The following PLXDC2 variants were observed in gnomAD, a reference collection of about 807,000 sequenced individuals.
PLXDC2 encodes the protein plexin domain containing 2.
In PLXDC2, 40 loss-of-function variants were observed where a neutral mutation model predicts 68.9. The ratio of observed to expected loss-of-function variants is 0.58; its 90% CI spans 0.45 to 0.76. The LOEUF is 0.76. Among genes scored for constraint, PLXDC2 ranks in the 30% least tolerant of loss-of-function variants. The pLI is 0.00. For synonymous variants in PLXDC2, 243 were observed against 234.2 expected, an observed-to-expected ratio of 1.04 and a Z score of -0.34; for missense variants, 644 against 661.9, an observed-to-expected ratio of 0.97 and a Z score of 0.30.
At chr10:19,978,882 T>G (rs1437905134) in intron 1 of PLXDC2, among the ~76,000 whole-genome samples, 4 of 152,160 alleles carry the variant, frequency 2.6e-5, no homozygotes, top group Admixed American at 6.5e-5. Flanking sequence ...AAGATAAGAG[T>G]AAGTTCTCAT....
At chr10:20,059,966 T>G (rs1288490369) in intron 3 of PLXDC2, among the ~76,000 whole-genome samples, 1 of 152,254 alleles carries the variant, frequency 6.6e-6, no homozygotes, top group East Asian at 1.9e-4. Flanking sequence ...TCTTTGATAT[T>G]TGCTTGTTGT....
chr10:20,144,669 C>T (rs1834049749), intron 5 of PLXDC2, among the ~76,000 whole-genome samples: 1 of 152,150 alleles, frequency 6.6e-6, no homozygotes, highest in South Asian at 2.1e-4. Flanking sequence ...GGCAAAACTG[C>T]AGCCAGAAAC....
chr10:20,144,767 C>T (rs1442073609), intron 5 of PLXDC2, among the ~76,000 whole-genome samples: 1 of 152,174 alleles, frequency 6.6e-6, no homozygotes, highest in Non-Finnish European at 1.5e-5. Context: ...TGAACACTGA[C>T]TATTTTCCAA....
At chr10:20,233,371 A>T (rs560840966) in intron 12 of PLXDC2, among the ~76,000 whole-genome samples, 4 of 150,698 alleles carry the variant, frequency 2.7e-5, no homozygotes, top group South Asian at 2.1e-4. Context: ...ACAAAAATTT[A>T]AAAAAAGTAG....
At chr10:19,883,050 G>A (rs1481698130) in intron 1 of PLXDC2, among the ~76,000 whole-genome samples, 4 of 150,040 alleles carry the variant, frequency 2.7e-5, no homozygotes, top group African/African-American at 7.4e-5. Flanking sequence ...TCCGCCTCCC[G>A]GGTTCACGCC....
chr10:19,981,483 G>A (rs552404404), intron 1 of PLXDC2, among the ~76,000 whole-genome samples: 14 of 152,312 alleles, frequency 9.2e-5, no homozygotes, highest in African/African-American at 2.9e-4. Context: ...CGTTGGAGAT[G>A]ATGGGTGAAT....
chr10:20,026,388 T>C (rs1205609383), intron 2 of PLXDC2, among the ~76,000 whole-genome samples: 2 of 152,110 alleles, frequency 1.3e-5, no homozygotes, highest in Admixed American at 1.3e-4. Context: ...TCTGTGAGTC[T>C]CCCCCTAAGG....
chr10:20,135,322 G>A (rs1053524386), intron 4 of PLXDC2, among the ~76,000 whole-genome samples: 2 of 152,154 alleles, frequency 1.3e-5, no homozygotes, highest in Non-Finnish European at 2.9e-5. Context: ...GGCATGCATA[G>A]TCTGCAGTCT....
At chr10:20,200,650 G>C (rs989457261) in intron 9 of PLXDC2, among the ~76,000 whole-genome samples, 1 of 151,966 alleles carries the variant, frequency 6.6e-6, no homozygotes, top group African/African-American at 2.4e-5. Flanking sequence ...TTAATATCCA[G>C]ATACAAGAAA....
At chr10:20,224,748 A>T (rs1373521837) in intron 12 of PLXDC2, among the ~76,000 whole-genome samples, 1 of 152,240 alleles carries the variant, frequency 6.6e-6, no homozygotes, top group African/African-American at 2.4e-5. Flanking sequence ...TGGTTAACTG[A>T]GATTTATCAA....
intron 1 of PLXDC2, among the ~76,000 whole-genome samples, chr10:19,881,972 A>G (rs947078549): frequency 7.9e-5 from 12 of 152,230 alleles, no homozygotes; most frequent in Admixed American, 5.9e-4. Context: ...TCATGCAGTC[A>G]TCTTACGTTG....
At chr10:20,005,297 A>G (rs1835009662) in intron 2 of PLXDC2, among the ~76,000 whole-genome samples, 2 of 152,172 alleles carry the variant, frequency 1.3e-5, no homozygotes, top group East Asian at 3.9e-4. Flanking sequence ...TTTTGAATCC[A>G]GGGTTGCATA....
chr10:19,859,094 C>T (rs776253517), intron 1 of PLXDC2, among the ~76,000 whole-genome samples: 3 of 151,820 alleles, frequency 2.0e-5, no homozygotes, highest in Non-Finnish European at 4.4e-5. Flanking sequence ...ACAAAAAGTT[C>T]TCAGGGAACA....
intron 1 of PLXDC2, among the ~76,000 whole-genome samples, chr10:19,937,171 G>A (rs1833738670): frequency 6.6e-6 from 1 of 152,056 alleles, no homozygotes; most frequent in African/African-American, 2.4e-5. Flanking sequence ...CCAGGATTAT[G>A]TTTTTCAAAG....
chr10:20,052,421 T>A (rs1190003591), intron 3 of PLXDC2, among the ~76,000 whole-genome samples: 1 of 151,676 alleles, frequency 6.6e-6, no homozygotes, highest in Admixed American at 6.6e-5. Context: ...AATATTAAGG[T>A]AATATTGTGA....
intron 1 of PLXDC2, among the ~76,000 whole-genome samples, chr10:19,855,763 T>G (rs1273696555): frequency 6.6e-6 from 1 of 152,158 alleles, no homozygotes; most frequent in Non-Finnish European, 1.5e-5. Flanking sequence ...CATAGTTTAG[T>G]GCCTACAACA....
intron 4 of PLXDC2, among the ~76,000 whole-genome samples, chr10:20,127,817 C>T (rs11816466): frequency 0.22 from 33,447 of 151,898 alleles, 5,019 homozygotes; most frequent in East Asian, 0.41. Flanking sequence ...TAGCAAGACC[C>T]CATCTCTTAA....
rs60349898 is a variant in PLXDC2, at chr10:20,209,529, T to TAA, written c.1062-2132_1062-2131dup. Among the ~76,000 whole-genome samples, 89 of 150,684 alleles carry TAA rather than the reference T, an allele frequency of 5.9e-4. 1 individual carries two copies. The East Asian group carries it at 6.7e-3, about 11-fold the overall frequency. The stretch of plus-strand genomic sequence containing the variant: ...TACCCTAAAACTTAAAGTATAATAA[T>TAA]AAAAAAAAAGAATTCAGTGATATTT... On this transcript the variant is annotated intron_variant, in intron 9 of 13. Coordinates refer to ENST00000377252, the MANE Select transcript of PLXDC2 (RefSeq NM_032812.9).
intron 1 of PLXDC2, among the ~76,000 whole-genome samples, chr10:19,933,258 G>A (rs80340045): frequency 0.02 from 3,014 of 151,992 alleles, 134 homozygotes; most frequent in East Asian, 0.17. Flanking sequence ...TTAAATTTTG[G>A]CCTAGATCAT....
Sources: gnomAD v4.1 joint callset for allele counts (sites outside exome capture counted in the v4.1 genomes callset) on GRCh38, gnomAD v4.1.1 for gene constraint, MANE v1.5 for transcripts, NCBI Gene and HGNC (gene_info 2026-07-23, HGNC 2026-07-21) for gene names.